HUWE1: variants seen among roughly 807,000 people sequenced by gnomAD.
HUWE1 encodes E3 ubiquitin-protein ligase HUWE1.
A neutral mutation model predicts 299.4 loss-of-function variants in HUWE1; 18 were observed. That is an observed-to-expected ratio of 0.06 (90% CI 0.04 to 0.09). HUWE1 has a LOEUF of 0.09. HUWE1 is among the 10% of genes least tolerant of loss of function. The pLI is 1.00. For missense variants in HUWE1, 1,832 were observed against 3,462.3 expected (o/e 0.53, Z 11.82); for synonymous variants, 1,317 against 1,286.1 (o/e 1.02, Z -0.51).
chrX:53,564,680 A>ACAT lies in HUWE1; in HGVS notation c.6920_6922dup (p.Asp2307dup). 8.3e-7 allele frequency: 1 copy of ACAT among 1,211,909 alleles called. No homozygotes were observed. The highest frequency in any genetic ancestry group is 1.1e-6 in the Non-Finnish European group (1 of 895,512). ...CCCATCTGCCACCTCTGTCTGAGTGACATCATGATCCTCCTCCTGCACTTC... is the reference window on the plus strand; with the variant it reads ...CCCATCTGCCACCTCTGTCTGAGTGACATCATCATGATCCTCCTCCTGCACTTC... On this transcript the variant is annotated inframe_insertion, in exon 51 of 84. Coordinates refer to ENST00000262854, the MANE Select transcript of HUWE1 (RefSeq NM_031407.7).
chrX:53,561,877 G>A lies in HUWE1; in HGVS notation c.7386C>T (p.Gly2462=), dbSNP rs894445924. 6.6e-6 allele frequency: 8 copies of A among 1,211,313 alleles called. No individual in the cohort carries two copies. Among genetic ancestry groups the A allele is most frequent in the Non-Finnish European group, 8.9e-6 (8 of 895,326 alleles). ...AATCCTCATCCAATTCCATCTCAGA[G>A]CCATCGTCGTCATCGTCTTCATCTC... ...EEGDEDDDDD[G]SEMELDEDYP... The change falls in exon 55 of 84, where the codon GGC becomes GGT. Residue 2462 remains glycine (G), a synonymous_variant. Transcript: ENST00000262854.
At chrX:53,631,930 A>T (rs935676192) in intron 9 of HUWE1, 1 of 338,795 alleles carries the variant, frequency 3.0e-6, no homozygotes, top group African/African-American at 2.6e-5. Flanking sequence ...AATAGCAAAG[A>T]CCAAATTCAT....
intron 46 of HUWE1, 139 bp downstream of exon 46, chrX:53,575,016 A>C: frequency 1.9e-6 from 1 of 516,620 alleles, no homozygotes; most frequent in South Asian, 2.7e-5. Flanking sequence ...CACTGAGCTC[A>C]CCTGAGAAAG....
At chrX:53,630,885 A>C (rs782083241) in intron 12 of HUWE1, 50 bp downstream of exon 12, 4 of 740,183 alleles carry the variant, frequency 5.4e-6, no homozygotes, top group Non-Finnish European at 8.5e-6. Context: ...AAAGGAAATC[A>C]GGCCCAAACT....
At position 53,551,378 on chromosome X, in the gene HUWE1, G is replaced by A. The variant is rs991539680; in HGVS notation, c.8984C>T (p.Thr2995Ile). ...GCTATTTGTGGAGGGGGCAGTCCGG[G>A]TTGGTGGACGAATGCCTAGCTGGTT... ...LQNQLGIRPPTRTAPSTNSSA... is the reference protein window; with the variant it reads ...LQNQLGIRPPIRTAPSTNSSA... The change falls in exon 64 of 84, where the codon ACC becomes ATC. Residue 2995 changes from threonine to isoleucine, a missense_variant. Thr to Ile is a moderately conservative substitution (Grantham distance 89, BLOSUM62 -1). Transcript: ENST00000262854. The A allele has an allele frequency of 8.3e-7, 1 of 1,209,697 alleles. No homozygotes were observed.
At chrX:53,542,845 TTGTGTGTGTG>T (rs57187405) in intron 73 of HUWE1, 4,246 of 163,669 alleles carry the variant, frequency 0.026, 134 homozygotes, top group African/African-American at 0.11. Flanking sequence ...TCTTCTTCTG[TTGTGTGTGTG>T]TGTGTGTGTG....
intron 11 of HUWE1, among the ~76,000 whole-genome samples, 153 bp downstream of exon 11, chrX:53,631,261 A>C (rs1303816876): frequency 9.0e-6 from 1 of 111,502 alleles, no homozygotes. Flanking sequence ...ATAAAAGACA[A>C]GGAAACTAAG....
rs2066417736 is a variant in HUWE1, at chrX:53,625,395, T to A, written c.1490-137A>T. 3 of 460,734 alleles carry A rather than the reference T, an allele frequency of 6.5e-6. No individual in the cohort carries two copies. The Admixed American group carries it at 1.1e-4, about 16-fold the overall frequency. 38.0% of individuals were successfully genotyped at this position (460,734 alleles called of 1,213,427 possible). On this transcript the variant is annotated intron_variant, in intron 17 of 83. Coordinates refer to ENST00000262854, the MANE Select transcript of HUWE1 (RefSeq NM_031407.7). The stretch of plus-strand genomic sequence containing the variant: ...AGACATTCGAAGTGAGGTCTCTGAA[T>A]GTTAGGAAGAATACTTAATTAAGCT...
chrX:53,624,731 G>A (rs993168552), intron 18 of HUWE1, 56 bp from the exon 19 acceptor site: 3 of 867,914 alleles, frequency 3.5e-6, no homozygotes, highest in Non-Finnish European at 5.1e-6. Context: ...GGTGTGAGGA[G>A]TGGGGATAAT....
At chrX:53,645,244 A>G (rs1227851019) in intron 7 of HUWE1, 67 bp downstream of exon 7, 2 of 1,096,706 alleles carry the variant, frequency 1.8e-6, no homozygotes, top group Non-Finnish European at 2.5e-6. Context: ...CACTCCAAGA[A>G]ACACCTGTTG....
At chrX:53,546,964 G>A in intron 68 of HUWE1, 139 bp from the exon 69 acceptor site, 1 of 768,469 alleles carries the variant, frequency 1.3e-6, no homozygotes, top group Non-Finnish European at 1.9e-6. Flanking sequence ...ACCCACCAAA[G>A]GCAAATCTAA....
intron 3 of HUWE1, among the ~76,000 whole-genome samples, chrX:53,675,858 C>A (rs1198223634): frequency 1.8e-5 from 2 of 111,552 alleles, no homozygotes; most frequent in Non-Finnish European, 3.8e-5. Context: ...AAGGTTACAA[C>A]AGAACCTTGA....
chrX:53,549,899 C>T (rs1382963581), intron 66 of HUWE1, among the ~76,000 whole-genome samples: 5 of 109,612 alleles, frequency 4.6e-5, no homozygotes, highest in Non-Finnish European at 7.6e-5. Flanking sequence ...ATTACTAGTG[C>T]GCGCCACCAC....
In HUWE1 at chrX:53,562,264, T is replaced by C; in HGVS notation, c.7205-20A>G. 1.7e-6 allele frequency: 2 copies of C among 1,206,586 alleles called. No individual in the cohort carries two copies. The highest frequency in any genetic ancestry group is 2.2e-6 in the Non-Finnish European group (2 of 892,840). ...TGGAATCTAAAACAAAGGGAGCACA[T>C]TGGAGGACTAAACTGAGTAGCTAGA... On this transcript the variant is annotated intron_variant, in intron 53 of 83. Coordinates refer to ENST00000262854, the MANE Select transcript of HUWE1 (RefSeq NM_031407.7).
At chrX:53,544,217 T>C (rs2061464705) in intron 72 of HUWE1, among the ~76,000 whole-genome samples, 1 of 111,092 alleles carries the variant, frequency 9.0e-6, no homozygotes, top group African/African-American at 3.3e-5. Context: ...AGGAAAGAGG[T>C]AGGGAAAATG....
intron 49 of HUWE1, among the ~76,000 whole-genome samples, chrX:53,566,131 G>GTATATATATA (rs782460583): frequency 1.8e-5 from 1 of 55,499 alleles, no homozygotes; most frequent in African/African-American, 8.1e-5. Flanking sequence ...GTGTGTGTGT[G>GTATATATATA]TGTATATATA....
chrX:53,653,324 A>G (rs1381659986), intron 4 of HUWE1, among the ~76,000 whole-genome samples: 3 of 112,075 alleles, frequency 2.7e-5, no homozygotes, highest in Non-Finnish European at 5.6e-5. Context: ...TCAAGAAGGA[A>G]AAAATTTTCA....
intron 48 of HUWE1, 111 bp from the exon 49 acceptor site, chrX:53,568,985 G>T: frequency 1.6e-6 from 1 of 624,393 alleles, no homozygotes; most frequent in Non-Finnish European, 2.6e-6. Context: ...TTTCCTTCTG[G>T]AAATAACATC....
At chrX:53,643,962 C>A (rs1319293640) in intron 7 of HUWE1, among the ~76,000 whole-genome samples, 3 of 110,475 alleles carry the variant, frequency 2.7e-5, no homozygotes, top group Middle Eastern at 4.7e-3. Flanking sequence ...TAACTGGGAC[C>A]ACAGGGGTGT....
Sources: allele counts gnomAD v4.1 joint callset (sites outside exome capture counted in the v4.1 genomes callset), GRCh38; gene constraint gnomAD v4.1.1; transcripts MANE v1.5; gene names NCBI Gene and HGNC (gene_info 2026-07-23, HGNC 2026-07-21).